The following CDH4 variants were observed in gnomAD, a reference collection of about 807,000 sequenced individuals.
CDH4 encodes cadherin 4.
In CDH4, 33 loss-of-function variants were observed where a neutral mutation model predicts 86.0. That is an observed-to-expected ratio of 0.38 (90% CI 0.29 to 0.51). The LOEUF is 0.51. Among genes scored for constraint, CDH4 ranks in the 20% least tolerant of loss-of-function variants. The probability of loss-of-function intolerance (pLI) is 0.86; values close to 1 mark genes in which losing one functional copy is unlikely to be tolerated. For synonymous variants in CDH4, 555 were observed against 549.4 expected (o/e 1.01, Z -0.14); for missense variants, 1,114 against 1,307.4 (o/e 0.85, Z 2.28).
intron 2 of CDH4, among the ~76,000 whole-genome samples, chr20:61,656,115 T>C (rs1287314826): frequency 6.6e-6 from 1 of 152,214 alleles, no homozygotes; most frequent in Non-Finnish European, 1.5e-5. Flanking sequence ...GAAGACTGGC[T>C]GGAGACGAAC....
intron 2 of CDH4, among the ~76,000 whole-genome samples, chr20:61,463,549 G>A (rs1177149858): frequency 6.6e-6 from 1 of 152,222 alleles, no homozygotes; most frequent in African/African-American, 2.4e-5. Context: ...ATTGTGCAGG[G>A]CACTGTGGTT....
At chr20:61,645,919 G>A (rs535221651) in intron 2 of CDH4, among the ~76,000 whole-genome samples, 2 of 152,276 alleles carry the variant, frequency 1.3e-5, no homozygotes, top group South Asian at 4.1e-4. Context: ...GAAAGATAGC[G>A]CCTTCCTCCT....
chr20:61,601,512 C>T (rs1012888351), intron 2 of CDH4, among the ~76,000 whole-genome samples: 22 of 152,200 alleles, frequency 1.4e-4, no homozygotes, highest in Non-Finnish European at 2.9e-4. Context: ...CGGTGCTCCT[C>T]GTCAGCCCCG....
chr20:61,809,048 A>C (rs1233131930), intron 4 of CDH4, among the ~76,000 whole-genome samples: 1 of 152,240 alleles, frequency 6.6e-6, no homozygotes, highest in Non-Finnish European at 1.5e-5. Context: ...TCCCAGCCAC[A>C]GACGCCTGGC....
At chr20:61,315,339 C>G (rs904451191) in intron 2 of CDH4, among the ~76,000 whole-genome samples, 1 of 152,132 alleles carries the variant, frequency 6.6e-6, no homozygotes, top group South Asian at 2.1e-4. Context: ...AGGAGAGAAA[C>G]TGGGGGACAT....
chr20:61,562,935 G>A (rs1189699170), intron 2 of CDH4, among the ~76,000 whole-genome samples: 1 of 152,162 alleles, frequency 6.6e-6, no homozygotes, highest in African/African-American at 2.4e-5. Context: ...TGGGATCTCA[G>A]CCCAGGGATG....
At chr20:61,673,933 A>T (rs902034123) in intron 2 of CDH4, among the ~76,000 whole-genome samples, 5 of 152,226 alleles carry the variant, frequency 3.3e-5, no homozygotes, top group African/African-American at 1.2e-4. Flanking sequence ...GATCTCCTCC[A>T]AATTGGCACC....
chr20:61,558,622 G>A (rs2086194271), intron 2 of CDH4, among the ~76,000 whole-genome samples: 1 of 152,210 alleles, frequency 6.6e-6, no homozygotes, highest in Non-Finnish European at 1.5e-5. Context: ...TGAAGGTCGT[G>A]GTAGTGATCA....
At chr20:61,881,588 C>CGG (rs1353892044) in intron 7 of CDH4, among the ~76,000 whole-genome samples, 1 of 152,172 alleles carries the variant, frequency 6.6e-6, no homozygotes, top group African/African-American at 2.4e-5. Context: ...TGGGCCCAGG[C>CGG]GGCTGGGGTC....
intron 2 of CDH4, among the ~76,000 whole-genome samples, chr20:61,349,474 A>G (rs919517503): frequency 2.6e-5 from 4 of 152,206 alleles, no homozygotes; most frequent in Admixed American, 2.6e-4. Context: ...TTAATTTACA[A>G]AGTCAGTGAG....
rs912652378 is a variant in CDH4, at chr20:61,766,872, G to A, written c.397-6131G>A. Among the ~76,000 whole-genome samples the A allele has an allele frequency of 7.9e-5, 12 of 152,280 alleles. No individual in the cohort carries two copies. In the East Asian group the frequency reaches 2.3e-3, roughly 29 times the overall value. On this transcript the variant is annotated intron_variant, in intron 3 of 15. Transcript: ENST00000614565. ...CCACCATGAGTATTTCTGTCCCCAAGTCCCCAGTGGACTGATTGTGTGCGA... is the reference window on the plus strand; with the variant it reads ...CCACCATGAGTATTTCTGTCCCCAAATCCCCAGTGGACTGATTGTGTGCGA...
Position 61,565,135 on chromosome 20 carries a change from T to TG in CDH4, c.170-178428_170-178427insG, listed in dbSNP as rs1385186760. Among the ~76,000 whole-genome samples the TG allele has an allele frequency of 2.0e-3, 271 of 138,380 alleles. 8 individuals are homozygous for TG. Among genetic ancestry groups the TG allele is most frequent in the African/African-American group, 6.9e-3 (258 of 37,172 alleles). 90.8% of individuals were successfully genotyped at this position (138,380 alleles called of 152,430 possible). ...GTGCTGGTGCTCTTGGTGGTGCTGG[T>TG]CCTCTTGGTGTTGGTAGTGGTCCTC... On this transcript the variant is annotated intron_variant, in intron 2 of 15. Transcript: ENST00000614565.
At chr20:61,718,089 A>G (rs1261258389) in intron 2 of CDH4, 1 of 152,698 alleles carries the variant, frequency 6.5e-6, no homozygotes, top group Non-Finnish European at 1.5e-5. Context: ...TACTGTAGCC[A>G]CGCTGACCTG....
At chr20:61,755,957 G>A (rs1435543168) in intron 3 of CDH4, among the ~76,000 whole-genome samples, 14 of 152,226 alleles carry the variant, frequency 9.2e-5, no homozygotes, top group Non-Finnish European at 1.9e-4. Context: ...GTTGGATGCG[G>A]CCACCCAACT....
At chr20:61,366,068 C>T in intron 2 of CDH4, among the ~76,000 whole-genome samples, 1 of 152,206 alleles carries the variant, frequency 6.6e-6, no homozygotes, top group East Asian at 1.9e-4. Flanking sequence ...TCATGGCTTC[C>T]CCAGTGGTGG....
At chr20:61,732,499 C>T (rs1052720094) in intron 2 of CDH4, among the ~76,000 whole-genome samples, 19 of 152,184 alleles carry the variant, frequency 1.2e-4, no homozygotes, top group African/African-American at 4.3e-4. Context: ...ATACACTAAG[C>T]ATGCCTCAGG....
intron 4 of CDH4, among the ~76,000 whole-genome samples, chr20:61,833,511 C>G (rs1981721910): frequency 1.3e-5 from 2 of 152,160 alleles, no homozygotes; most frequent in African/African-American, 4.8e-5. Flanking sequence ...GCATAGTACT[C>G]AGGCCTCATT....
intron 2 of CDH4, among the ~76,000 whole-genome samples, chr20:61,444,268 T>TCTCC (rs2085330899): frequency 1.3e-5 from 2 of 151,098 alleles, no homozygotes; most frequent in Non-Finnish European, 2.9e-5. Flanking sequence ...TCTATGTGTG[T>TCTCC]GTGTGTATGT....
chr20:61,341,906 G>A (rs1027907077), intron 2 of CDH4, among the ~76,000 whole-genome samples: 20 of 152,172 alleles, frequency 1.3e-4, no homozygotes, highest in African/African-American at 2.9e-4. Context: ...AGGGGTTTGC[G>A]TCTCCTTTTC....
Sources: allele counts gnomAD v4.1 joint callset (sites outside exome capture counted in the v4.1 genomes callset), GRCh38; gene constraint gnomAD v4.1.1; transcripts MANE v1.5; gene names NCBI Gene and HGNC (gene_info 2026-07-23, HGNC 2026-07-21).